Variants in PTPN12 observed in about 807,000 individuals in gnomAD.
The protein encoded by PTPN12 is protein tyrosine phosphatase non-receptor type 12.
Under a neutral mutation model 97.6 loss-of-function variants are expected in PTPN12, and 29 were observed. The observed-to-expected ratio is 0.30, with a 90% CI of 0.22 to 0.41. The LOEUF is 0.41. Among genes scored for constraint, PTPN12 ranks in the 10% least tolerant of loss-of-function variants. The pLI, the probability that PTPN12 is intolerant of heterozygous loss-of-function variation, is 1.00. For synonymous variants in PTPN12, 327 were observed against 300.4 expected, an observed-to-expected ratio of 1.09 and a Z score of -0.91; for missense variants, 819 against 926.0, an observed-to-expected ratio of 0.88 and a Z score of 1.50.
At chr7:77,570,736 A>C (rs1787096444) in intron 1 of PTPN12, among the ~76,000 whole-genome samples, 1 of 152,260 alleles carries the variant, frequency 6.6e-6, no homozygotes, top group African/African-American at 2.4e-5. Context: ...GCATGTTTTT[A>C]AAACTTGGTT....
At chr7:77,557,579 T>C (rs1807779994) in intron 1 of PTPN12, among the ~76,000 whole-genome samples, 1 of 152,210 alleles carries the variant, frequency 6.6e-6, no homozygotes, top group South Asian at 2.1e-4. Context: ...AAAACATTTA[T>C]CATTTAAGTG....
intron 2 of PTPN12, among the ~76,000 whole-genome samples, chr7:77,572,153 G>T: frequency 6.7e-6 from 1 of 149,948 alleles, no homozygotes. Context: ...GGAGTGCGGT[G>T]GTGGGATCTT....
At chr7:77,566,841 A>G (rs1808283902) in intron 1 of PTPN12, among the ~76,000 whole-genome samples, 1 of 152,268 alleles carries the variant, frequency 6.6e-6, no homozygotes, top group Non-Finnish European at 1.5e-5. Flanking sequence ...CTATAACTTA[A>G]TACGGACATC....
intron 5 of PTPN12, among the ~76,000 whole-genome samples, chr7:77,589,210 T>C (rs1456322685): frequency 6.6e-6 from 1 of 152,204 alleles, no homozygotes; most frequent in African/African-American, 2.4e-5. Flanking sequence ...AGTCTGTTTG[T>C]TAATACCACA....
Position 77,583,547 on chromosome 7 carries a change from A to G in PTPN12, c.286-8A>G. On this transcript the variant is annotated splice_region_variant and splice_polypyrimidine_tract_variant and intron_variant, in intron 3 of 17. Transcript: ENST00000248594. The stretch of plus-strand genomic sequence containing the variant: ...ATAAATGTGAAATTTGCTTTTAACC[A>G]TTTTTAGGGCGTCTATGGGCCAAAA... 1 of 1,576,730 alleles carries G rather than the reference A, an allele frequency of 6.3e-7. No individual in the cohort carries two copies. The highest frequency in any genetic ancestry group is 8.6e-7 in the Non-Finnish European group (1 of 1,161,970).
chr7:77,605,409 G>GGTTT lies in PTPN12; in HGVS notation c.696-1826_696-1825insGTTT, dbSNP rs1554321255. Among the ~76,000 whole-genome samples, 666 of 95,528 alleles carry GGTTT rather than the reference G, an allele frequency of 7.0e-3. 146 individuals are homozygous for GGTTT. Among genetic ancestry groups the GGTTT allele is most frequent in the African/African-American group, 0.023 (554 of 24,226 alleles). The allele number at this position is 95,528 out of a possible 152,430, so 62.7% of individuals were successfully genotyped here. A position where few individuals can be genotyped will look rare whatever the true frequency, so the allele number is the denominator to read the frequency against. ...TTACTTTAAAATACTTTTGTCATGAGTTTTTTTTTTTTTTTTTTTTTTTTT... is the reference window on the plus strand; with the variant it reads ...TTACTTTAAAATACTTTTGTCATGAGGTTTTTTTTTTTTTTTTTTTTTTTTTTTT... On this transcript the variant is annotated intron_variant, in intron 8 of 17. Transcript: ENST00000248594.
intron 2 of PTPN12, among the ~76,000 whole-genome samples, chr7:77,578,067 A>C (rs1436262172): frequency 6.6e-6 from 1 of 152,232 alleles, no homozygotes; most frequent in African/African-American, 2.4e-5. Context: ...GCCTGGCACC[A>C]GTCCTAACTA....
At chr7:77,622,126 C>T (rs551192801) in intron 12 of PTPN12, among the ~76,000 whole-genome samples, 71 of 152,210 alleles carry the variant, frequency 4.7e-4, no homozygotes, top group Non-Finnish European at 9.9e-4. Flanking sequence ...GGCTAATTTC[C>T]GTATTTTTTG....
At chr7:77,556,049 G>GTGTTTGTT (rs56329736) in intron 1 of PTPN12, among the ~76,000 whole-genome samples, 3 of 151,586 alleles carry the variant, frequency 2.0e-5, no homozygotes, top group Admixed American at 6.6e-5. Flanking sequence ...TAATCATAGG[G>GTGTTTGTT]TGTTTGTTTG....
intron 7 of PTPN12, 95 bp from the exon 8 acceptor site, chr7:77,600,569 C>G (rs1253530982): frequency 1.8e-5 from 20 of 1,094,416 alleles, no homozygotes; most frequent in Non-Finnish European, 2.4e-5. Flanking sequence ...CTAAATGCCA[C>G]ACAAATTTCT....
At chr7:77,577,938 A>G (rs1287386919) in intron 2 of PTPN12, among the ~76,000 whole-genome samples, 1 of 152,206 alleles carries the variant, frequency 6.6e-6, no homozygotes, top group African/African-American at 2.4e-5. Context: ...AATGTTGATA[A>G]TGAAGCTGGG....
intron 11 of PTPN12, among the ~76,000 whole-genome samples, chr7:77,616,846 G>C (rs1305625170): frequency 6.6e-6 from 1 of 151,932 alleles, no homozygotes; most frequent in Non-Finnish European, 1.5e-5. Flanking sequence ...GCAGAGACAC[G>C]ATCTCAGCTT....
In PTPN12 at chr7:77,625,556, T is replaced by G. The variant is rs1484357316; in HGVS notation, c.1026-1149T>G. 4.8e-3 allele frequency among the ~76,000 whole-genome samples: 222 copies of G among 46,110 alleles called. 34 individuals are homozygous for G. Among genetic ancestry groups the G allele is most frequent in the Middle Eastern group, 8.2e-3 (1 of 122 alleles). The allele number at this position is 46,110 out of a possible 152,430, so 30.2% of individuals were successfully genotyped here. A position where few individuals can be genotyped will look rare whatever the true frequency, so the allele number is the denominator to read the frequency against. On this transcript the variant is annotated intron_variant, in intron 12 of 17. Transcript: ENST00000248594. ...CTCTCACTCGCGCTCTCTCTCTCGC[T>G]CTCTCTCTCTTTTTTTTTTTTTTTT...
At chr7:77,625,762 GT>G (rs1789156916) in intron 12 of PTPN12, among the ~76,000 whole-genome samples, 1 of 151,154 alleles carries the variant, frequency 6.6e-6, no homozygotes, top group South Asian at 2.1e-4. Context: ...TAGAGATGGG[GT>G]TTTACTGTGT....
intron 15 of PTPN12, among the ~76,000 whole-genome samples, chr7:77,636,073 A>G (rs1344052056): frequency 6.6e-6 from 1 of 152,160 alleles, no homozygotes; most frequent in African/African-American, 2.4e-5. Context: ...CTATCACTTT[A>G]AAGTATTGTT....
In PTPN12 at chr7:77,537,406, G is replaced by A; in HGVS notation, c.-141G>A. The A allele has an allele frequency of 1.6e-6, 2 of 1,264,526 alleles. No homozygotes were observed. Among genetic ancestry groups the A allele is most frequent in the Non-Finnish European group, 2.1e-6 (2 of 966,986 alleles). 78.3% of individuals were successfully genotyped at this position (1,264,526 alleles called of 1,614,324 possible). On this transcript the variant is annotated 5_prime_UTR_variant, in exon 1 of 18. Transcript: ENST00000248594. ...CAGCCGCCGCCTAGGGCGGTGGGGAGGAGGAGGGAGCCGCGGGGCTTGGCG... is the reference window on the plus strand; with the variant it reads ...CAGCCGCCGCCTAGGGCGGTGGGGAAGAGGAGGGAGCCGCGGGGCTTGGCG...
At chr7:77,557,093 A>T (rs1048430919) in intron 1 of PTPN12, among the ~76,000 whole-genome samples, 1 of 151,990 alleles carries the variant, frequency 6.6e-6, no homozygotes, top group African/African-American at 2.4e-5. Context: ...CAGCCTCCCT[A>T]GTAGCTGGGA....
At chr7:77,539,467 G>GT (rs1806844725) in intron 1 of PTPN12, among the ~76,000 whole-genome samples, 1 of 152,162 alleles carries the variant, frequency 6.6e-6, no homozygotes. Flanking sequence ...ACTATTGAGA[G>GT]TTTTTATTGT....
At chr7:77,586,587 C>G (rs933345887) in intron 5 of PTPN12, among the ~76,000 whole-genome samples, 1 of 152,154 alleles carries the variant, frequency 6.6e-6, no homozygotes, top group Non-Finnish European at 1.5e-5. Flanking sequence ...CCTATAAAAA[C>G]ATAAAATAAG....
Sources: gnomAD v4.1 joint callset for allele counts (sites outside exome capture counted in the v4.1 genomes callset) on GRCh38, gnomAD v4.1.1 for gene constraint, MANE v1.5 for transcripts, NCBI Gene and HGNC (gene_info 2026-07-23, HGNC 2026-07-21) for gene names.